ZNF571: variants seen among roughly 807,000 people sequenced by gnomAD.
ZNF571 encodes the protein zinc finger protein 571.
ZNF571 carries 4 observed loss-of-function variants against 7.7 expected under a neutral mutation model. The ratio of observed to expected loss-of-function variants is 0.52; its 90% CI spans 0.25 to 1.18. The LOEUF (loss-of-function observed/expected upper bound fraction) is 1.18. ZNF571 is among the 50% of genes most tolerant of loss of function. The probability of loss-of-function intolerance (pLI) is 0.14; values close to 1 mark genes in which losing one functional copy is unlikely to be tolerated. For synonymous variants in ZNF571, 251 were observed against 232.4 expected, an observed-to-expected ratio of 1.08 and a Z score of -0.73; for missense variants, 704 against 726.9, an observed-to-expected ratio of 0.97 and a Z score of 0.36.
chr19:37,587,013 A>G (rs2043698407), intron 1 of ZNF571: 2 of 283,168 alleles, frequency 7.1e-6, no homozygotes, highest in Admixed American at 1.0e-4. Flanking sequence ...GCCCCCCACC[A>G]TCCTCCTGGA....
At position 37,573,635 on chromosome 19, in the gene ZNF571, T is replaced by TG. The variant is rs1211419804; in HGVS notation, c.137-7345dup. Reference sequence around the variant, plus strand: ...TGGACCCAGAAGTGCAAGACCAGCCTGGGCAACACAGTAGACACAGACCTT... The same window carrying TG: ...TGGACCCAGAAGTGCAAGACCAGCCTGGGGCAACACAGTAGACACAGACCTT... On this transcript the variant is annotated intron_variant, in intron 3 of 3. Coordinates refer to ENST00000451802, the MANE Select transcript of ZNF571 (RefSeq NM_016536.5). 2.8e-5 allele frequency among the ~76,000 whole-genome samples: 4 copies of TG among 144,080 alleles called. No homozygotes were observed. The East Asian group carries it at 8.1e-4, about 29-fold the overall frequency. The allele number at this position is 144,080 out of a possible 152,430, so 94.5% of individuals were successfully genotyped here.
Position 37,566,246 on chromosome 19 carries a change from TC to T in ZNF571, c.181del (p.Glu61LysfsTer36), listed in dbSNP as rs1159690046. On this transcript the variant is annotated frameshift_variant, in exon 4 of 4. Transcript: ENST00000451802. LOFTEE classifies it low-confidence loss of function (END_TRUNC). ...CTGGAGTGATTCCATTTCATAAATT[TC>T]CTTTTCTGGAGATAACTTTTTGGTC... ...CVTKKLSPEK[E>X]IYEMESLQWE... The T allele has an allele frequency of 6.2e-7, 1 of 1,613,414 alleles. No individual in the cohort carries two copies. The highest frequency in any genetic ancestry group is 8.5e-7 in the Non-Finnish European group (1 of 1,179,786).
At chr19:37,570,323 T>C (rs2043008860) in intron 3 of ZNF571, among the ~76,000 whole-genome samples, 1 of 152,182 alleles carries the variant, frequency 6.6e-6, no homozygotes, top group African/African-American at 2.4e-5. Flanking sequence ...CCTGTGATTA[T>C]TTTCTTCACC....
intron 3 of ZNF571, among the ~76,000 whole-genome samples, chr19:37,580,621 G>A (rs1334533423): frequency 6.6e-6 from 1 of 152,118 alleles, no homozygotes; most frequent in Non-Finnish European, 1.5e-5. Context: ...ATGGGGGCTG[G>A]TCCCCGAGAA....
intron 1 of ZNF571, among the ~76,000 whole-genome samples, chr19:37,592,909 G>A (rs1215732006): frequency 6.6e-6 from 1 of 152,156 alleles, no homozygotes; most frequent in African/African-American, 2.4e-5. Context: ...AAACACAGGA[G>A]GGAAACTATC....
intron 3 of ZNF571, among the ~76,000 whole-genome samples, chr19:37,575,986 C>T (rs986581605): frequency 1.3e-5 from 2 of 151,902 alleles, no homozygotes; most frequent in Non-Finnish European, 1.5e-5. Flanking sequence ...TTATTCTTGC[C>T]AAACTTCAAA....
intron 3 of ZNF571, among the ~76,000 whole-genome samples, chr19:37,568,754 G>GA (rs771224223): frequency 1.3e-5 from 2 of 152,016 alleles, no homozygotes; most frequent in African/African-American, 2.4e-5. Flanking sequence ...TTAAATTAAT[G>GA]AAAAAACTAT....
intron 3 of ZNF571, among the ~76,000 whole-genome samples, chr19:37,572,683 TG>T (rs1297702980): frequency 6.6e-6 from 1 of 152,216 alleles, no homozygotes; most frequent in Non-Finnish European, 1.5e-5. Flanking sequence ...TATAACAATG[TG>T]GCTTTCTGAA....
intron 3 of ZNF571, chr19:37,575,714 T>C (rs759977249): frequency 9.2e-5 from 14 of 152,222 alleles, no homozygotes; most frequent in Non-Finnish European, 1.9e-4. Context: ...TGATCACACA[T>C]CACTGTGATG....
At chr19:37,585,688 T>A (rs770787370) in intron 2 of ZNF571, 23 of 152,250 alleles carry the variant, frequency 1.5e-4, no homozygotes, top group Non-Finnish European at 2.9e-4. Flanking sequence ...GCTCATCTCT[T>A]AAACTTTCAA....
intron 3 of ZNF571, among the ~76,000 whole-genome samples, chr19:37,570,680 A>AC (rs1331474550): frequency 6.6e-6 from 1 of 152,176 alleles, no homozygotes; most frequent in Non-Finnish European, 1.5e-5. Context: ...TTGGCTCTTT[A>AC]CCCCTACTCA....
At chr19:37,572,411 C>A (rs940816090) in intron 3 of ZNF571, among the ~76,000 whole-genome samples, 1 of 152,200 alleles carries the variant, frequency 6.6e-6, no homozygotes, top group African/African-American at 2.4e-5. Context: ...CATCCTACTC[C>A]ATCTTGCTCA....
intron 3 of ZNF571, among the ~76,000 whole-genome samples, chr19:37,577,637 G>C (rs1252961633): frequency 6.6e-6 from 1 of 152,130 alleles, no homozygotes; most frequent in African/African-American, 2.4e-5. Flanking sequence ...CATATATGTA[G>C]CAAAATAGTG....
chr19:37,567,342 A>C (rs2042896500), intron 3 of ZNF571, among the ~76,000 whole-genome samples: 1 of 152,206 alleles, frequency 6.6e-6, no homozygotes, highest in Non-Finnish European at 1.5e-5. Flanking sequence ...ATGTTCCTTC[A>C]TTCATAAATC....
rs2042810148 is a variant in ZNF571 at position 37,565,263 on chromosome 19, T to G, written c.1165A>C (p.Arg389=). 6.2e-7 allele frequency: 1 copy of G among 1,611,874 alleles called. No individual in the cohort carries two copies. ...CCACATTCTTTGCATTTATAAGGTC[T>G]CTCACCTGAATGAACTCTCAGGTGG... ...TYHLRVHSGE[R]PYKCKECGKA... The change falls in exon 4 of 4, where the codon AGA becomes CGA. Residue 389 remains arginine (R), a synonymous_variant. Coordinates refer to ENST00000451802, the MANE Select transcript of ZNF571 (RefSeq NM_016536.5).
rs746277683 is a variant in ZNF571, at chr19:37,565,100, C to A, written c.1328G>T (p.Gly443Val). 6.2e-7 allele frequency: 1 copy of A among 1,613,204 alleles called. No individual in the cohort carries two copies. Among genetic ancestry groups the A allele is most frequent in the Non-Finnish European group, 8.5e-7 (1 of 1,179,480 alleles). ...QLSEHQRIHT[G>V]EKPFECKECG... ...TTCCTTACATTCAAAGGGTTTCTCA[C>A]CTGTATGAATTCTCTGATGTTCACT... Residue 443 changes from glycine (G) to valine (V), a missense_variant, in exon 4 of 4, where the codon GGT (glycine) becomes GTT (valine). Coordinates refer to ENST00000451802, the MANE Select transcript of ZNF571 (RefSeq NM_016536.5).
chr19:37,572,824 T>C (rs2147169049), intron 3 of ZNF571, among the ~76,000 whole-genome samples: 1 of 152,348 alleles, frequency 6.6e-6, no homozygotes, highest in Middle Eastern at 3.4e-3. Context: ...CCAATTACTA[T>C]AACTATTTAC....
chr19:37,584,171 G>C lies in ZNF571; in HGVS notation c.10-74C>G. ...AGTGAAATGAGAAGAAAATGGAGGA[G>C]GTAATTGAAGGAAGCAAGTAACACA... is the stretch of plus-strand genomic sequence containing the variant. On this transcript the variant is annotated intron_variant, in intron 2 of 3. Coordinates refer to ENST00000451802, the MANE Select transcript of ZNF571 (RefSeq NM_016536.5). 4.4e-6 allele frequency: 7 copies of C among 1,600,008 alleles called. No individual in the cohort carries two copies. The South Asian group carries it at 7.8e-5, about 18-fold the overall frequency.
At chr19:37,571,991 T>G (rs1345011132) in intron 3 of ZNF571, among the ~76,000 whole-genome samples, 1 of 152,174 alleles carries the variant, frequency 6.6e-6, no homozygotes, top group Non-Finnish European at 1.5e-5. Flanking sequence ...AATTTTACCA[T>G]TATCCAAATA....
Sources: gnomAD v4.1 joint callset for allele counts (sites outside exome capture counted in the v4.1 genomes callset) on GRCh38, gnomAD v4.1.1 for gene constraint, MANE v1.5 for transcripts, NCBI Gene and HGNC (gene_info 2026-07-23, HGNC 2026-07-21) for gene names.